The following EPHA3 variants were observed in gnomAD, a reference collection of about 807,000 sequenced individuals.
EPHA3 encodes ephrin type-A receptor 3.
A neutral mutation model predicts 107.1 loss-of-function variants in EPHA3; 42 were observed. The observed-to-expected ratio is 0.39, with a 90% CI of 0.31 to 0.51. The LOEUF is 0.51. Among genes scored for constraint, EPHA3 ranks in the 20% least tolerant of loss-of-function variants. The pLI, the probability that EPHA3 is intolerant of heterozygous loss-of-function variation, is 0.78. For missense variants in EPHA3, 1,183 were observed against 1,211.2 expected (o/e 0.98, Z 0.35); for synonymous variants, 461 against 424.8 (o/e 1.09, Z -1.05).
chr3:89,344,851 G>T (rs572846743), intron 5 of EPHA3, among the ~76,000 whole-genome samples: 2 of 152,232 alleles, frequency 1.3e-5, no homozygotes, highest in Admixed American at 1.3e-4. Context: ...AATTGTAGAA[G>T]ATTATGTTGT....
intron 3 of EPHA3, among the ~76,000 whole-genome samples, chr3:89,241,914 A>C (rs140769240): frequency 1.0e-3 from 159 of 152,290 alleles, no homozygotes; most frequent in African/African-American, 3.7e-3. Context: ...AGATTAAGGG[A>C]TCATCAAGCA....
At chr3:89,239,440 T>A (rs1704843995) in intron 3 of EPHA3, among the ~76,000 whole-genome samples, 1 of 152,130 alleles carries the variant, frequency 6.6e-6, no homozygotes, top group African/African-American at 2.4e-5. Flanking sequence ...ACAATAATAA[T>A]AATAATAATA....
intron 10 of EPHA3, among the ~76,000 whole-genome samples, chr3:89,413,709 A>G (rs756177853): frequency 1.4e-4 from 21 of 151,766 alleles, no homozygotes; most frequent in Non-Finnish European, 2.2e-4. Context: ...TATCACAACT[A>G]TCTTGGGTGG....
chr3:89,447,914 T>G (rs1020601651), intron 13 of EPHA3, among the ~76,000 whole-genome samples: 4 of 152,126 alleles, frequency 2.6e-5, no homozygotes, highest in African/African-American at 9.7e-5. Flanking sequence ...TCAAATCCAG[T>G]GGCATGCTAT....
chr3:89,340,853 C>A, intron 3 of EPHA3, 63 bp from the exon 4 acceptor site: 1 of 1,424,208 alleles, frequency 7.0e-7, no homozygotes. Flanking sequence ...TTACTTAAAT[C>A]TGTTTTACAT....
chr3:89,447,985 GTTCT>G (rs1709911095), intron 13 of EPHA3, among the ~76,000 whole-genome samples: 1 of 152,128 alleles, frequency 6.6e-6, no homozygotes, highest in African/African-American at 2.4e-5. Context: ...GAGGATGTGA[GTTCT>G]TTCTTTGAAA....
At chr3:89,248,223 G>A in intron 3 of EPHA3, among the ~76,000 whole-genome samples, 1 of 152,106 alleles carries the variant, frequency 6.6e-6, no homozygotes, top group African/African-American at 2.4e-5. Flanking sequence ...GTATGAAAAT[G>A]TTGTTCCTGG....
intron 3 of EPHA3, among the ~76,000 whole-genome samples, chr3:89,278,871 G>A (rs938714822): frequency 6.6e-6 from 1 of 152,148 alleles, no homozygotes; most frequent in African/African-American, 2.4e-5. Flanking sequence ...TACTCTAAGT[G>A]CCTCATGCTG....
chr3:89,187,974 G>T (rs908333680), intron 2 of EPHA3, among the ~76,000 whole-genome samples: 1 of 151,984 alleles, frequency 6.6e-6, no homozygotes, highest in Non-Finnish European at 1.5e-5. Flanking sequence ...TGTATAACTG[G>T]TATCTCCTAA....
At chr3:89,451,505 T>G (rs548013573) in intron 15 of EPHA3, among the ~76,000 whole-genome samples, 1 of 152,342 alleles carries the variant, frequency 6.6e-6, no homozygotes, top group African/African-American at 2.4e-5. Flanking sequence ...TTCTCTCTGA[T>G]TTATCACATG....
At chr3:89,418,508 A>G (rs753351311) in intron 10 of EPHA3, among the ~76,000 whole-genome samples, 13 of 151,494 alleles carry the variant, frequency 8.6e-5, no homozygotes, top group Non-Finnish European at 1.0e-4. Context: ...AAAGTCAGTA[A>G]CACTCTATAT....
chr3:89,308,496 C>A (rs115240840), intron 3 of EPHA3, among the ~76,000 whole-genome samples: 1 of 151,946 alleles, frequency 6.6e-6, no homozygotes, highest in Non-Finnish European at 1.5e-5. Context: ...GCATAGGAAG[C>A]AGCTGATTAT....
At chr3:89,176,975 C>T (rs918873640) in intron 2 of EPHA3, among the ~76,000 whole-genome samples, 3 of 151,992 alleles carry the variant, frequency 2.0e-5, no homozygotes, top group Non-Finnish European at 4.4e-5. Flanking sequence ...ATACAGGACA[C>T]ATATCTCACA....
intron 13 of EPHA3, among the ~76,000 whole-genome samples, chr3:89,442,097 A>C (rs1709797235): frequency 6.6e-6 from 1 of 152,198 alleles, no homozygotes; most frequent in African/African-American, 2.4e-5. Context: ...AAGTTAATTT[A>C]AGTTTTACTA....
At chr3:89,294,553 T>C (rs1197626222) in intron 3 of EPHA3, among the ~76,000 whole-genome samples, 1 of 152,176 alleles carries the variant, frequency 6.6e-6, no homozygotes, top group Non-Finnish European at 1.5e-5. Context: ...ATAATACACA[T>C]AGATGATTGC....
intron 3 of EPHA3, among the ~76,000 whole-genome samples, chr3:89,320,459 G>T (rs757870639): frequency 1.3e-5 from 2 of 151,942 alleles, no homozygotes; most frequent in Non-Finnish European, 2.9e-5. Flanking sequence ...TATTATCTTC[G>T]CTTTAGGGGA....
intron 3 of EPHA3, among the ~76,000 whole-genome samples, chr3:89,262,765 G>T (rs2107283258): frequency 6.6e-6 from 1 of 152,164 alleles, no homozygotes; most frequent in African/African-American, 2.4e-5. Flanking sequence ...CTGTTTCGGT[G>T]CCTGCAGGAT....
intron 15 of EPHA3, among the ~76,000 whole-genome samples, chr3:89,460,733 C>T (rs1710212819): frequency 6.8e-6 from 1 of 146,516 alleles, no homozygotes; most frequent in Non-Finnish European, 1.5e-5. Context: ...CTGAAACTGA[C>T]AGGGTGACTT....
intron 2 of EPHA3, among the ~76,000 whole-genome samples, chr3:89,142,947 C>T (rs1704463628): frequency 1.3e-5 from 2 of 151,234 alleles, no homozygotes; most frequent in African/African-American, 4.8e-5. Context: ...CTAGCTGTAA[C>T]ATGTTTAACA....
Sources: gnomAD v4.1 joint callset for allele counts (sites outside exome capture counted in the v4.1 genomes callset) on GRCh38, gnomAD v4.1.1 for gene constraint, MANE v1.5 for transcripts, NCBI Gene and HGNC (gene_info 2026-07-23, HGNC 2026-07-21) for gene names.